Variants in RBFOX1 observed in about 807,000 individuals in gnomAD.
RBFOX1 encodes RNA binding protein fox-1 homolog 1.
RBFOX1 carries 8 observed loss-of-function variants against 57.7 expected under a neutral mutation model. The observed-to-expected ratio is 0.14, with a 90% CI of 0.08 to 0.25. The LOEUF (loss-of-function observed/expected upper bound fraction) is 0.25. Ranked by LOEUF, RBFOX1 falls within the 10% of genes least tolerant of loss-of-function variation. The pLI, the probability that RBFOX1 is intolerant of heterozygous loss-of-function variation, is 1.00. For synonymous variants in RBFOX1, 326 were observed against 222.4 expected (o/e 1.47, Z -4.15); for missense variants, 611 against 548.5 (o/e 1.11, Z -1.14).
intron 4 of RBFOX1, among the ~76,000 whole-genome samples, chr16:7,321,017 G>T (rs2096534747): frequency 6.6e-6 from 1 of 151,720 alleles, no homozygotes; most frequent in Non-Finnish European, 1.5e-5. Context: ...ATAAAAATAA[G>T]TACTTTTTAT....
At chr16:6,885,292 CTA>C (rs1316132484) in intron 3 of RBFOX1, among the ~76,000 whole-genome samples, 1 of 152,216 alleles carries the variant, frequency 6.6e-6, no homozygotes, top group African/African-American at 2.4e-5. Context: ...CGCGTGTTCT[CTA>C]TCCTCGCTGC....
chr16:6,740,698 C>A (rs1024711786), intron 3 of RBFOX1, among the ~76,000 whole-genome samples: 1 of 152,106 alleles, frequency 6.6e-6, no homozygotes, highest in African/African-American at 2.4e-5. Flanking sequence ...TGAAAATTAT[C>A]AAATGCTGAT....
intron 10 of RBFOX1, 149 bp from the exon 11 acceptor site, chr16:7,630,454 G>A (rs1291687053): frequency 4.0e-6 from 6 of 1,497,210 alleles, no homozygotes; most frequent in Non-Finnish European, 5.3e-6. Context: ...TTTGGCTAAG[G>A]CAGGGGGCTT....
At position 6,145,892 on chromosome 16, in the gene RBFOX1, G is replaced by A. The variant is rs543786375; in HGVS notation, c.-127+125900G>A. The stretch of plus-strand genomic sequence containing the variant: ...TTGACAAGACTCTCTCACTCCTGGG[G>A]CAGGTATTTTGACTGATTTTTCACC... On this transcript the variant is annotated intron_variant, in intron 1 of 15. Coordinates refer to ENST00000550418, the MANE Select transcript of RBFOX1 (RefSeq NM_018723.4). 4.7e-4 allele frequency among the ~76,000 whole-genome samples: 72 copies of A among 152,266 alleles called. 1 individual carries two copies. The highest frequency in any genetic ancestry group is 1.6e-3 in the African/African-American group (68 of 41,550).
intron 4 of RBFOX1, among the ~76,000 whole-genome samples, chr16:7,212,633 G>GA (rs146379259): frequency 0.21 from 31,649 of 151,398 alleles, 3,533 homozygotes; most frequent in East Asian, 0.4. Flanking sequence ...AGTTGTTTTA[G>GA]AAAAAAAACG....
In RBFOX1 at chr16:5,985,362, G is replaced by A. The variant is rs559383571; in HGVS notation, c.351+118027G>A. Among the ~76,000 whole-genome samples, 14 of 152,090 alleles carry A rather than the reference G, an allele frequency of 9.2e-5. No homozygotes were observed. In the South Asian group the frequency reaches 2.9e-3, roughly 32 times the overall value. ...TCCTTGGTGAGAAACTCATTCTGCAGTTCAGGACTGTATTAATTCAGTCCC... is the reference window on the plus strand; with the variant it reads ...TCCTTGGTGAGAAACTCATTCTGCAATTCAGGACTGTATTAATTCAGTCCC... On this transcript the variant is annotated intron_variant, in intron 4 of 19. Transcript: ENST00000641259.
At chr16:6,073,366 T>G (rs567622884) in intron 1 of RBFOX1, among the ~76,000 whole-genome samples, 171 of 152,318 alleles carry the variant, frequency 1.1e-3, no homozygotes, top group African/African-American at 3.8e-3. Flanking sequence ...GGATGGGTCA[T>G]GGGCCCCAGA....
At chr16:5,695,621 A>G (rs2050822641) in intron 3 of RBFOX1, among the ~76,000 whole-genome samples, 1 of 152,226 alleles carries the variant, frequency 6.6e-6, no homozygotes, top group Admixed American at 6.5e-5. Context: ...TGATGCAATC[A>G]TCGGTAATAA....
intron 3 of RBFOX1, among the ~76,000 whole-genome samples, chr16:6,750,223 C>T (rs1212091710): frequency 6.6e-6 from 1 of 152,142 alleles, no homozygotes; most frequent in Admixed American, 6.6e-5. Context: ...TGGGCTCTAC[C>T]TGAGGGCATT....
At chr16:6,205,761 C>T (rs1236564186) in intron 1 of RBFOX1, among the ~76,000 whole-genome samples, 2 of 150,134 alleles carry the variant, frequency 1.3e-5, no homozygotes, top group Non-Finnish European at 2.9e-5. Context: ...TATTTCTAGA[C>T]TTTTTTTCTG....
At chr16:5,789,409 C>T (rs1257620776) in intron 3 of RBFOX1, among the ~76,000 whole-genome samples, 1 of 151,974 alleles carries the variant, frequency 6.6e-6, no homozygotes, top group African/African-American at 2.4e-5. Context: ...GTCTACAAGC[C>T]CGCATATTTG....
chr16:6,173,899 G>GT (rs140365278), intron 1 of RBFOX1, among the ~76,000 whole-genome samples: 34 of 151,568 alleles, frequency 2.2e-4, no homozygotes, highest in African/African-American at 5.8e-4. Context: ...TTGTTTGTTT[G>GT]TTTTTTTTAC....
intron 1 of RBFOX1, among the ~76,000 whole-genome samples, chr16:6,216,077 G>A (rs1191953786): frequency 6.6e-6 from 1 of 152,150 alleles, no homozygotes; most frequent in Non-Finnish European, 1.5e-5. Context: ...AGAGTTAAAT[G>A]ATAAGAACAC....
intron 4 of RBFOX1, among the ~76,000 whole-genome samples, chr16:7,055,401 G>C (rs2153736382): frequency 6.6e-6 from 1 of 152,244 alleles, no homozygotes; most frequent in East Asian, 1.9e-4. Flanking sequence ...TTCCAGGGTT[G>C]ATTCAGAGGC....
intron 3 of RBFOX1, 98 bp from the exon 4 acceptor site, chr16:7,051,959 C>T: frequency 1.3e-6 from 2 of 1,521,184 alleles, no homozygotes; most frequent in Non-Finnish European, 1.8e-6. Context: ...TATGGGTTTT[C>T]TTTGAGCTGA....
intron 4 of RBFOX1, among the ~76,000 whole-genome samples, chr16:7,484,583 CT>C (rs748703763): frequency 6.6e-5 from 10 of 152,198 alleles, no homozygotes; most frequent in Non-Finnish European, 1.5e-4. Flanking sequence ...CTACCTCAGC[CT>C]CTTGAGTAGC....
At chr16:7,368,696 C>G (rs1013780134) in intron 4 of RBFOX1, among the ~76,000 whole-genome samples, 1 of 150,864 alleles carries the variant, frequency 6.6e-6, no homozygotes, top group African/African-American at 2.4e-5. Flanking sequence ...AGGAGCATGG[C>G]GTGAACCTGG....
At position 7,538,191 on chromosome 16, in the gene RBFOX1, T is replaced by A. The variant is rs536067293; in HGVS notation, c.270+19802T>A. On this transcript the variant is annotated intron_variant, in intron 5 of 15. Coordinates refer to ENST00000550418, the MANE Select transcript of RBFOX1 (RefSeq NM_018723.4). Reference sequence around the variant, plus strand: ...CTGCCAGAAGATCTGAGAGTGAGAGTTTGTTGAGGAAGGCTATCTCGTGCC... The same window carrying A: ...CTGCCAGAAGATCTGAGAGTGAGAGATTGTTGAGGAAGGCTATCTCGTGCC... Among the ~76,000 whole-genome samples, 119 of 151,946 alleles carry A rather than the reference T, an allele frequency of 7.8e-4. 1 individual carries two copies. The highest frequency in any genetic ancestry group is 2.7e-3 in the African/African-American group (112 of 41,478).
intron 4 of RBFOX1, among the ~76,000 whole-genome samples, chr16:7,394,653 C>G (rs987966033): frequency 5.3e-5 from 8 of 152,214 alleles, no homozygotes; most frequent in African/African-American, 4.8e-5. Context: ...CACCACCTCC[C>G]TTTTCAGTTT....
Sources: gnomAD v4.1 joint callset for allele counts (sites outside exome capture counted in the v4.1 genomes callset) on GRCh38, gnomAD v4.1.1 for gene constraint, MANE v1.5 for transcripts, NCBI Gene and HGNC (gene_info 2026-07-23, HGNC 2026-07-21) for gene names.